The following PLCE1 variants were observed in gnomAD, a reference collection of about 807,000 sequenced individuals.
The protein encoded by PLCE1 is 1-phosphatidylinositol 4,5-bisphosphate phosphodiesterase epsilon-1.
In PLCE1, 119 loss-of-function variants were observed where a neutral mutation model predicts 242.8. That is an observed-to-expected ratio of 0.49 (90% CI 0.42 to 0.57). The LOEUF is 0.57. Among genes scored for constraint, PLCE1 ranks in the 20% least tolerant of loss-of-function variants. PLCE1 has a pLI of 0.00. For missense variants in PLCE1, 2,441 were observed against 2,788.8 expected, an observed-to-expected ratio of 0.88 and a Z score of 2.81; for synonymous variants, 945 against 1,017.4, an observed-to-expected ratio of 0.93 and a Z score of 1.35.
At chr10:94,130,159 T>C (rs2046554701) in intron 2 of PLCE1, among the ~76,000 whole-genome samples, 1 of 152,214 alleles carries the variant, frequency 6.6e-6, no homozygotes, top group South Asian at 2.1e-4. Flanking sequence ...AGATGGCCTG[T>C]ATGATTTGGA....
rs1420260272 is a variant in PLCE1, at chr10:94,031,223, A to G, written c.177A>G (p.Lys59=). The stretch of plus-strand genomic sequence containing the variant: ...CTCATACCATCTCACAACTGAACAA[A>G]CTTAAAGAAGAACCTTCTGGAAGCA... ...ETSHTISQLN[K]LKEEPSGSNL... is the part of the protein sequence containing the mutation. The change falls in exon 2 of 33, where the codon AAA becomes AAG. Residue 59 remains lysine (K), a synonymous_variant. Transcript: ENST00000371380. 6.2e-7 allele frequency: 1 copy of G among 1,613,882 alleles called. No individual in the cohort carries two copies. The highest frequency in any genetic ancestry group is 2.2e-5 in the East Asian group (1 of 44,852).
rs371472166 is a variant in PLCE1, at chr10:94,306,636, T to C, written c.5832T>C (p.Asn1944=). Residue 1944 remains asparagine (N), a synonymous_variant, in exon 26 of 33, where the codon AAT becomes AAC. Transcript: ENST00000371380. This position sits in a 1 kb window ranked among gnomAD's most constrained non-coding sequence, Gnocchi z 5.7. The part of the protein sequence containing the change: ...VFLRFAVVEN[N]SSAVTAQRII... ...TTCGTTTTGCAGTTGTGGAAAACAA[T>C]AGTTCAGCGGTAACTGCTCAGAGAA... 8.1e-6 allele frequency: 13 copies of C among 1,614,028 alleles called. No homozygotes were observed. The highest frequency in any genetic ancestry group is 1.1e-5 in the Non-Finnish European group (13 of 1,179,990).
In PLCE1 at chr10:94,093,934, CTTTTTTTTTT is replaced by C. The variant is rs398046178; in HGVS notation, c.1207-38224_1207-38215del. Among the ~76,000 whole-genome samples the C allele has an allele frequency of 1.8e-3, 146 of 79,192 alleles. 2 individuals carry two copies. Among genetic ancestry groups the C allele is most frequent in the African/African-American group, 7.6e-3 (140 of 18,318 alleles). 52.0% of individuals were successfully genotyped at this position (79,192 alleles called of 152,430 possible). A position where few individuals can be genotyped will look rare whatever the true frequency, so the allele number is the denominator to read the frequency against. On this transcript the variant is annotated intron_variant, in intron 2 of 32. Transcript: ENST00000371380. ...TCATTCAGTCATTTAATCGGTATTT[CTTTTTTTTTT>C]TTTTTTTTTTTTTTTGAGACGGAGT... is the stretch of plus-strand genomic sequence containing the variant.
chr10:94,115,166 A>T (rs1028232939), intron 2 of PLCE1, among the ~76,000 whole-genome samples: 2 of 151,694 alleles, frequency 1.3e-5, no homozygotes, highest in African/African-American at 4.8e-5. Context: ...CCAGTCTATC[A>T]TTGTTGGACA....
At chr10:94,319,109 G>A (rs567767102) in intron 29 of PLCE1, among the ~76,000 whole-genome samples, 3 of 152,174 alleles carry the variant, frequency 2.0e-5, no homozygotes, top group Non-Finnish European at 2.9e-5. Context: ...GCTTCCAAAA[G>A]GCTGGTAAAG....
In PLCE1 at chr10:94,014,371, A is replaced by T. The variant is rs1293652476; in HGVS notation, c.-364-16312A>T. Among the ~76,000 whole-genome samples, 4 of 151,592 alleles carry T rather than the reference A, an allele frequency of 2.6e-5. No individual in the cohort carries two copies. In the South Asian group the frequency reaches 8.3e-4, roughly 32 times the overall value. On this transcript the variant is annotated intron_variant, in intron 1 of 32. Coordinates refer to ENST00000371380, the MANE Select transcript of PLCE1 (RefSeq NM_016341.4). ...GTAATCGCAGCACTTTGGGAGGCTG[A>T]GGCAGGAGGATTGCTTGAGGCCAAG... is the stretch of plus-strand genomic sequence containing the variant.
chr10:94,031,943 T>C lies in PLCE1; in HGVS notation c.897T>C (p.His299=), dbSNP rs1393501357. The change falls in exon 2 of 33, where the codon CAT becomes CAC. Residue 299 remains histidine (H), a synonymous_variant. Coordinates refer to ENST00000371380, the MANE Select transcript of PLCE1 (RefSeq NM_016341.4). ...DSQAAKTFLS[H]FEDFPDNCDD... is the part of the protein sequence containing the mutation. Reference sequence around the variant, plus strand: ...AAGCTGCCAAGACCTTTTTGAGCCATTTTGAGGACTTCCCTGATAATTGTG... The same window carrying C: ...AAGCTGCCAAGACCTTTTTGAGCCACTTTGAGGACTTCCCTGATAATTGTG... 1 of 1,613,824 alleles carries C rather than the reference T, an allele frequency of 6.2e-7. No individual in the cohort carries two copies. The highest frequency in any genetic ancestry group is 2.2e-5 in the East Asian group (1 of 44,868).
intron 1 of PLCE1, among the ~76,000 whole-genome samples, chr10:93,996,558 AGAT>A (rs1444318457): frequency 6.6e-6 from 1 of 152,240 alleles, no homozygotes; most frequent in Non-Finnish European, 1.5e-5. Flanking sequence ...ACGATATCAA[AGAT>A]GCATTTTGTT....
chr10:94,085,283 G>A (rs888064273), intron 2 of PLCE1, among the ~76,000 whole-genome samples: 5 of 152,140 alleles, frequency 3.3e-5, no homozygotes, highest in African/African-American at 1.2e-4. Context: ...GTACTGGCTT[G>A]TTTATGTGGC....
chr10:94,152,746 G>C (rs2047313181), intron 3 of PLCE1, among the ~76,000 whole-genome samples: 1 of 152,190 alleles, frequency 6.6e-6, no homozygotes, highest in Non-Finnish European at 1.5e-5. Flanking sequence ...TTCTGTAAAT[G>C]TTAGCAAGTG....
rs779342517 is a variant in PLCE1 at position 94,262,521 on chromosome 10, T to C, written c.3842T>C (p.Leu1281Ser). 1 of 1,613,552 alleles carries C rather than the reference T, an allele frequency of 6.2e-7. No homozygotes were observed. Among genetic ancestry groups the C allele is most frequent in the Non-Finnish European group, 8.5e-7 (1 of 1,179,472 alleles). ...LDLLTRNVSD[L>S]GLFIKSKQQL... ...CTGTTGACCAGAAATGTCTCGGATTTGGGGTTGTTCATTAAGAGTAAACAG... is the reference window on the plus strand; with the variant it reads ...CTGTTGACCAGAAATGTCTCGGATTCGGGGTTGTTCATTAAGAGTAAACAG... The change falls in exon 14 of 33, where the codon TTG (leucine) becomes TCG (serine). Residue 1281 changes from leucine to serine, a missense_variant. Leu to Ser is a moderately radical substitution (Grantham distance 145, BLOSUM62 -2). Coordinates refer to ENST00000371380, the MANE Select transcript of PLCE1 (RefSeq NM_016341.4).
At position 94,031,639 on chromosome 10, in the gene PLCE1, C is replaced by G; in HGVS notation, c.593C>G (p.Ser198Ter). 6.2e-7 allele frequency: 1 copy of G among 1,613,712 alleles called. No individual in the cohort carries two copies. The highest frequency in any genetic ancestry group is 8.5e-7 in the Non-Finnish European group (1 of 1,179,802). ...CATTATGAAGTTGACAGAAGAATGT[C>G]AGACACTTTCTGTACCCTATCAGAA... ...HFHYEVDRRM[S>*]DTFCTLSENL... The change falls in exon 2 of 33, where the codon TCA becomes TGA. Residue 198 changes from serine to a stop codon, truncating the protein, a stop_gained. Coordinates refer to ENST00000371380, the MANE Select transcript of PLCE1 (RefSeq NM_016341.4). LOFTEE classifies it high-confidence loss of function.
chr10:94,321,758 A>G (rs1213672974), intron 29 of PLCE1, 143 bp from the exon 30 acceptor site: 52 of 653,820 alleles, frequency 8.0e-5, no homozygotes, highest in Non-Finnish European at 8.0e-6. Context: ...AGAACAGTTT[A>G]TGAAATAATA....
intron 3 of PLCE1, among the ~76,000 whole-genome samples, chr10:94,150,079 T>C (rs986699627): frequency 6.6e-6 from 1 of 152,222 alleles, no homozygotes; most frequent in African/African-American, 2.4e-5. Flanking sequence ...TTGCTAACTT[T>C]CATGTGCTTA....
chr10:94,080,596 A>G (rs897194414), intron 2 of PLCE1, among the ~76,000 whole-genome samples: 2 of 152,144 alleles, frequency 1.3e-5, no homozygotes, highest in Non-Finnish European at 2.9e-5. Flanking sequence ...CCAGACCTAC[A>G]TTCTTACTGA....
chr10:94,300,556 TC>T (rs1479048529), intron 24 of PLCE1, among the ~76,000 whole-genome samples: 2 of 152,206 alleles, frequency 1.3e-5, no homozygotes, highest in African/African-American at 4.8e-5. Context: ...ATCAGTGTGT[TC>T]ATCTGTAAAA....
intron 19 of PLCE1, among the ~76,000 whole-genome samples, chr10:94,275,776 C>T (rs1376303443): frequency 6.6e-6 from 1 of 151,370 alleles, no homozygotes; most frequent in Non-Finnish European, 1.5e-5. Flanking sequence ...GCCAAGGCTG[C>T]AATGAGCCAT....
chr10:94,322,489 A>AAT lies in PLCE1; in HGVS notation c.6501+431_6501+432insTA, dbSNP rs1392317024. 3.3e-5 allele frequency among the ~76,000 whole-genome samples: 5 copies of AAT among 152,226 alleles called. No homozygotes were observed. The South Asian group carries it at 8.3e-4, about 25-fold the overall frequency. On this transcript the variant is annotated intron_variant, in intron 30 of 32. Transcript: ENST00000371380. ...GACATGGCAAAACCCTGTCTTTACA[A>AAT]AAAGTACAAAAATTGCTGGGCACGG...
chr10:94,179,939 A>ACC (rs1409623734), intron 4 of PLCE1, among the ~76,000 whole-genome samples: 61 of 151,704 alleles, frequency 4.0e-4, no homozygotes, highest in East Asian at 3.1e-3. Context: ...TAGTTCCCAA[A>ACC]AAAAAAAAAA....
Sources: gnomAD v4.1 joint callset for allele counts (sites outside exome capture counted in the v4.1 genomes callset) on GRCh38, gnomAD v4.1.1 for gene constraint, Gnocchi (gnomAD v3.1) non-coding constraint, MANE v1.5 for transcripts, NCBI Gene and HGNC (gene_info 2026-07-23, HGNC 2026-07-21) for gene names.